TMEM232: variants seen among roughly 807,000 people sequenced by gnomAD.
TMEM232 encodes transmembrane protein 232.
TMEM232 carries 80 observed loss-of-function variants against 78.8 expected under a neutral mutation model. That is an observed-to-expected ratio of 1.01 (90% CI 0.85 to 1.22). The LOEUF is 1.22. Ranked by LOEUF, TMEM232 falls within the 50% of genes most tolerant of loss-of-function variation. TMEM232 has a pLI of 0.00. For missense variants in TMEM232, 881 were observed against 742.2 expected (o/e 1.19, Z -2.17); for synonymous variants, 297 against 254.3 (o/e 1.17, Z -1.60).
In TMEM232 at chr5:110,424,833, A is replaced by T; in HGVS notation, c.1787T>A (p.Ile596Asn). 6.5e-7 allele frequency: 1 copy of T among 1,548,828 alleles called. No individual in the cohort carries two copies. The highest frequency in any genetic ancestry group is 8.7e-7 in the Non-Finnish European group (1 of 1,145,504). Reference sequence around the variant, plus strand: ...AAAAATCAATCTTACGTGATGGTCAATGATTTTTGCCAACTCTTTATCTGC... The same window carrying T: ...AAAAATCAATCTTACGTGATGGTCATTGATTTTTGCCAACTCTTTATCTGC... ...TKADKELAKI[I>N]DHHWQEELKI... The change falls in exon 13 of 14, where the codon ATT (isoleucine) becomes AAT (asparagine). Residue 596 changes from isoleucine to asparagine, a missense_variant. By Grantham distance (149) the Ile-to-Asn change is moderately radical. Transcript: ENST00000455884.
chr5:110,651,761 T>A (rs188690500), intron 2 of TMEM232, among the ~76,000 whole-genome samples: 28 of 151,994 alleles, frequency 1.8e-4, no homozygotes, highest in Admixed American at 1.5e-3. Context: ...TTGACTTGGT[T>A]ATGGGGTGGG....
chr5:110,632,548 T>C (rs1450801850), intron 5 of TMEM232, among the ~76,000 whole-genome samples: 4 of 152,092 alleles, frequency 2.6e-5, no homozygotes, highest in Non-Finnish European at 1.5e-5. Flanking sequence ...TTATCAGAGA[T>C]ACGTATCATA....
intron 7 of TMEM232, among the ~76,000 whole-genome samples, chr5:110,620,451 A>G (rs1300214093): frequency 6.6e-6 from 1 of 152,202 alleles, no homozygotes; most frequent in Non-Finnish European, 1.5e-5. Flanking sequence ...TCAAACCTCT[A>G]GAGAGAACCC....
chr5:110,441,029 G>A (rs1293879426), intron 12 of TMEM232, among the ~76,000 whole-genome samples: 1 of 152,168 alleles, frequency 6.6e-6, no homozygotes, highest in African/African-American at 2.4e-5. Context: ...GAGGAAGGAA[G>A]ATGTGGAGAA....
At chr5:110,628,809 A>C (rs1784756358) in intron 5 of TMEM232, 1 of 152,012 alleles carries the variant, frequency 6.6e-6, no homozygotes, top group African/African-American at 2.4e-5. Flanking sequence ...GCATCATCCA[A>C]GACTATAAAG....
At chr5:110,480,392 A>T (rs1390548489) in intron 12 of TMEM232, among the ~76,000 whole-genome samples, 3 of 152,038 alleles carry the variant, frequency 2.0e-5, no homozygotes, top group African/African-American at 7.2e-5. Context: ...GAAGTTACAG[A>T]TGTTTCTTCT....
chr5:110,460,594 AC>A (rs765018247), intron 12 of TMEM232, among the ~76,000 whole-genome samples: 6 of 152,096 alleles, frequency 3.9e-5, no homozygotes, highest in African/African-American at 9.7e-5. Flanking sequence ...CTTCAAACAC[AC>A]ACACATATAC....
At chr5:110,684,776 A>C (rs1466596263) in intron 1 of TMEM232, 1 of 152,108 alleles carries the variant, frequency 6.6e-6, no homozygotes, top group Non-Finnish European at 1.5e-5. Flanking sequence ...AGAACAATTT[A>C]TCTCTCTCTT....
At chr5:110,642,140 C>T (rs1786818728) in intron 3 of TMEM232, 120 bp downstream of exon 3, 5 of 550,514 alleles carry the variant, frequency 9.1e-6, no homozygotes, top group Non-Finnish European at 1.5e-5. Context: ...TTTAACTATC[C>T]CTACTTATAA....
At chr5:110,655,727 T>C (rs1448699606) in intron 2 of TMEM232, among the ~76,000 whole-genome samples, 3 of 151,494 alleles carry the variant, frequency 2.0e-5, no homozygotes, top group Non-Finnish European at 4.4e-5. Context: ...TATGCAGCCA[T>C]AAAAAGTGAT....
At chr5:110,597,343 A>G (rs1170288462) in intron 10 of TMEM232, among the ~76,000 whole-genome samples, 7 of 152,118 alleles carry the variant, frequency 4.6e-5, no homozygotes, top group Non-Finnish European at 1.5e-5. Flanking sequence ...ACTACAAACC[A>G]CTGCTCAATG....
chr5:110,694,582 T>C (rs1393821841), intron 1 of TMEM232, among the ~76,000 whole-genome samples: 1 of 151,950 alleles, frequency 6.6e-6, no homozygotes, highest in Non-Finnish European at 1.5e-5. Context: ...GAGATACACA[T>C]AGGCTCAAAA....
intron 1 of TMEM232, among the ~76,000 whole-genome samples, chr5:110,705,285 T>C (rs1259822534): frequency 6.6e-6 from 1 of 152,080 alleles, no homozygotes; most frequent in Non-Finnish European, 1.5e-5. Context: ...AAAACAGCAT[T>C]AGGTGCCATA....
At chr5:110,711,864 T>C (rs897509137) in intron 1 of TMEM232, among the ~76,000 whole-genome samples, 1 of 152,022 alleles carries the variant, frequency 6.6e-6, no homozygotes, top group Non-Finnish European at 1.5e-5. Flanking sequence ...CCCAGCACTT[T>C]GGGAGGCCGA....
chr5:110,529,529 G>A (rs562675972), intron 11 of TMEM232, among the ~76,000 whole-genome samples: 3 of 152,264 alleles, frequency 2.0e-5, no homozygotes, highest in South Asian at 2.1e-4. Context: ...TTACAGGCGT[G>A]AGCCACCATG....
At chr5:110,424,432 T>C (rs1034252555) in intron 13 of TMEM232, among the ~76,000 whole-genome samples, 1 of 152,144 alleles carries the variant, frequency 6.6e-6, no homozygotes, top group Non-Finnish European at 1.5e-5. Flanking sequence ...AAGAACAAAG[T>C]GATTAACAGT....
At chr5:110,738,010 T>A (rs1424624081) in exon 1 of TMEM232, 2 of 223,730 alleles carry the variant, frequency 8.9e-6, no homozygotes, top group African/African-American at 4.6e-5. Context: ...CCATAAAAAA[T>A]AAAAAGTGAT....
chr5:110,546,249 C>T (rs377301709), intron 11 of TMEM232, among the ~76,000 whole-genome samples: 1 of 151,604 alleles, frequency 6.6e-6, no homozygotes, highest in Admixed American at 6.6e-5. Flanking sequence ...TAAAGAAAGT[C>T]GATAATGTAG....
At chr5:110,720,177 A>G (rs975008113) in intron 1 of TMEM232, among the ~76,000 whole-genome samples, 1 of 152,142 alleles carries the variant, frequency 6.6e-6, no homozygotes, top group Non-Finnish European at 1.5e-5. Context: ...CCACTATTCT[A>G]GGAGCTGAGC....
Sources: gnomAD v4.1 joint callset for allele counts (sites outside exome capture counted in the v4.1 genomes callset) on GRCh38, gnomAD v4.1.1 for gene constraint, MANE v1.5 for transcripts, NCBI Gene and HGNC (gene_info 2026-07-23, HGNC 2026-07-21) for gene names.